The following ATL2 variants were observed in gnomAD, a reference collection of about 807,000 sequenced individuals.
ATL2 encodes the protein atlastin-2.
ATL2 carries 31 observed loss-of-function variants against 73.9 expected under a neutral mutation model. That is an observed-to-expected ratio of 0.42 (90% CI 0.32 to 0.57). The LOEUF is 0.57. ATL2 is among the 20% of genes least tolerant of loss of function. The pLI is 0.14. For missense variants in ATL2, 738 were observed against 702.6 expected (o/e 1.05, Z -0.57); for synonymous variants, 291 against 237.5 (o/e 1.23, Z -2.07).
At chr2:38,305,576 A>G (rs1381552457) in intron 9 of ATL2, among the ~76,000 whole-genome samples, 1 of 152,132 alleles carries the variant, frequency 6.6e-6, no homozygotes, top group Non-Finnish European at 1.5e-5. Flanking sequence ...AATTGAAATT[A>G]TATCAAGTAT....
At chr2:38,352,751 T>G (rs913175632) in intron 1 of ATL2, among the ~76,000 whole-genome samples, 1 of 152,176 alleles carries the variant, frequency 6.6e-6, no homozygotes, top group African/African-American at 2.4e-5. Context: ...GACACTAGAA[T>G]CGACATATCT....
At position 38,340,994 on chromosome 2, in the gene ATL2, C is replaced by T. The variant is rs76647717; in HGVS notation, c.363+2274G>A. Among the ~76,000 whole-genome samples, 1,114 of 152,290 alleles carry T rather than the reference C, an allele frequency of 7.3e-3. 14 individuals carry two copies. The highest frequency in any genetic ancestry group is 0.058 in the East Asian group (302 of 5,184). ...CGTTTGTGCAGAGATTGCAAATACACGGCAATGGGGGGCTGCTACTCCACT... is the reference window on the plus strand; with the variant it reads ...CGTTTGTGCAGAGATTGCAAATACATGGCAATGGGGGGCTGCTACTCCACT... On this transcript the variant is annotated intron_variant, in intron 2 of 12. Coordinates refer to ENST00000378954, the MANE Select transcript of ATL2 (RefSeq NM_001135673.4).
rs1035426044 is a variant in ATL2, at chr2:38,312,664, G to A, written c.804+487C>T. Among the ~76,000 whole-genome samples the A allele has an allele frequency of 3.4e-5, 5 of 148,544 alleles. No individual in the cohort carries two copies. The East Asian group carries it at 6.0e-4, about 18-fold the overall frequency. ...GCGGAGGTTGCAGTGAGCCAAGATC[G>A]TGCCATTGCACTCCAGCCCAGGCAA... On this transcript the variant is annotated intron_variant, in intron 7 of 12. Transcript: ENST00000378954.
rs572644451 is a variant in ATL2, at chr2:38,311,342, A to G, written c.805-895T>C. 4.3e-5 allele frequency among the ~76,000 whole-genome samples: 6 copies of G among 140,880 alleles called. No homozygotes were observed. The South Asian group carries it at 9.5e-4, about 22-fold the overall frequency. The allele number at this position is 140,880 out of a possible 152,430, so 92.4% of individuals were successfully genotyped here. ...GGAAAAAAATCTTAAACTTAGAAAC[A>G]TTTTAGATAATTACTCATTTATCCC... is the stretch of plus-strand genomic sequence containing the variant. On this transcript the variant is annotated intron_variant, in intron 7 of 12. Coordinates refer to ENST00000378954, the MANE Select transcript of ATL2 (RefSeq NM_001135673.4).
rs571364032 is a variant in ATL2, at chr2:38,332,763, G to A, written c.363+10505C>T. ...TGAATGGCCCACTCAAGTTTCTGTT[G>A]ACTGTCCATATACTAGTACAATGTG... On this transcript the variant is annotated intron_variant, in intron 2 of 12. Coordinates refer to ENST00000378954, the MANE Select transcript of ATL2 (RefSeq NM_001135673.4). Among the ~76,000 whole-genome samples the A allele has an allele frequency of 3.2e-4, 49 of 152,270 alleles. 1 individual carries two copies. The East Asian group carries it at 6.8e-3, about 21-fold the overall frequency.
chr2:38,315,371 T>G, intron 4 of ATL2, 37 bp from the exon 5 acceptor site: 1 of 1,489,792 alleles, frequency 6.7e-7, no homozygotes, highest in African/African-American at 1.5e-5. Context: ...TTTATTAGTG[T>G]TTTGTTCTGA....
intron 1 of ATL2, among the ~76,000 whole-genome samples, chr2:38,357,740 T>C (rs1161941252): frequency 6.6e-6 from 1 of 151,832 alleles, no homozygotes; most frequent in Non-Finnish European, 1.5e-5. Context: ...TTTTAGGCAT[T>C]AATAGAACAT....
At chr2:38,336,859 CA>C (rs1669385596) in intron 2 of ATL2, among the ~76,000 whole-genome samples, 1 of 152,162 alleles carries the variant, frequency 6.6e-6, no homozygotes, top group South Asian at 2.1e-4. Flanking sequence ...ACCGTTACAT[CA>C]CAAAATAGTA....
intron 6 of ATL2, 102 bp downstream of exon 6, chr2:38,314,506 A>G (rs1000448079): frequency 1.9e-5 from 14 of 726,744 alleles, no homozygotes; most frequent in Non-Finnish European, 3.3e-5. Flanking sequence ...GTTGCTAGCA[A>G]TGAGTCTATT....
intron 2 of ATL2, among the ~76,000 whole-genome samples, chr2:38,323,891 C>T (rs1668460088): frequency 1.3e-5 from 2 of 152,132 alleles, no homozygotes; most frequent in Admixed American, 1.3e-4. Context: ...AGCTGACTCC[C>T]TTTCACAATG....
chr2:38,357,748 C>G (rs1670763069), intron 1 of ATL2, among the ~76,000 whole-genome samples: 1 of 148,326 alleles, frequency 6.7e-6, no homozygotes, highest in Non-Finnish European at 1.5e-5. Context: ...ATTAATAGAA[C>G]ATACATATAC....
At chr2:38,313,471 TAAAGAA>T (rs1381862284) in intron 6 of ATL2, among the ~76,000 whole-genome samples, 2 of 151,966 alleles carry the variant, frequency 1.3e-5, no homozygotes, top group Non-Finnish European at 2.9e-5. Flanking sequence ...TCACTAAATA[TAAAGAA>T]AGAGTCACCA....
intron 9 of ATL2, among the ~76,000 whole-genome samples, chr2:38,302,102 G>T (rs1301327282): frequency 6.6e-6 from 1 of 152,216 alleles, no homozygotes; most frequent in African/African-American, 2.4e-5. Context: ...GGAACCCACT[G>T]TCTTGAGGGG....
chr2:38,309,629 A>AT (rs1173568477), intron 8 of ATL2, 123 bp from the exon 9 acceptor site: 2 of 993,504 alleles, frequency 2.0e-6, no homozygotes, highest in Non-Finnish European at 2.9e-6. Flanking sequence ...AAGTGGATTC[A>AT]TTTTTTAAAA....
At chr2:38,338,022 A>G (rs1022652095) in intron 2 of ATL2, among the ~76,000 whole-genome samples, 2 of 152,200 alleles carry the variant, frequency 1.3e-5, no homozygotes, top group Admixed American at 1.3e-4. Context: ...CCTAGATTTC[A>G]AACTACAACA....
At chr2:38,346,001 G>C (rs918193436) in intron 1 of ATL2, among the ~76,000 whole-genome samples, 3 of 152,160 alleles carry the variant, frequency 2.0e-5, no homozygotes, top group African/African-American at 7.2e-5. Flanking sequence ...AACAGGAGAA[G>C]CTTTTATTTT....
At position 38,295,844 on chromosome 2, in the gene ATL2, T is replaced by G. The variant is rs1421065129; in HGVS notation, c.*150A>C. On this transcript the variant is annotated 3_prime_UTR_variant, in exon 13 of 13. Coordinates refer to ENST00000378954, the MANE Select transcript of ATL2 (RefSeq NM_001135673.4). ...AAGAATGCTTAAAACTAACAAACAA[T>G]CTTCACACTCTGTGGCAGCCATCTG... 2 of 631,672 alleles carry G rather than the reference T, an allele frequency of 3.2e-6. No homozygotes were observed. Among genetic ancestry groups the G allele is most frequent in the South Asian group, 2.2e-5 (1 of 45,328 alleles). 39.1% of individuals were successfully genotyped at this position (631,672 alleles called of 1,614,324 possible).
chr2:38,324,829 T>TAG (rs1668506639), intron 2 of ATL2, among the ~76,000 whole-genome samples: 1 of 152,194 alleles, frequency 6.6e-6, no homozygotes, highest in African/African-American at 2.4e-5. Context: ...ATGAGGTGCT[T>TAG]AGTCAAATTC....
chr2:38,347,334 C>A (rs1277939756), intron 1 of ATL2, among the ~76,000 whole-genome samples: 1 of 152,156 alleles, frequency 6.6e-6, no homozygotes, highest in Non-Finnish European at 1.5e-5. Flanking sequence ...ATGAAGCTAA[C>A]CCTGTTTCCC....
Sources: allele counts gnomAD v4.1 joint callset (sites outside exome capture counted in the v4.1 genomes callset), GRCh38; gene constraint gnomAD v4.1.1; transcripts MANE v1.5; gene names NCBI Gene and HGNC (gene_info 2026-07-23, HGNC 2026-07-21).